The following ZNF827 variants were observed in gnomAD, a reference collection of about 807,000 sequenced individuals.
The protein encoded by ZNF827 is zinc finger protein 827.
Under a neutral mutation model 102.4 loss-of-function variants are expected in ZNF827, and 13 were observed. The ratio of observed to expected loss-of-function variants is 0.13; its 90% CI spans 0.08 to 0.20. ZNF827 has a LOEUF of 0.20. Ranked by LOEUF, ZNF827 falls within the 10% of genes least tolerant of loss-of-function variation. The pLI is 1.00. For synonymous variants in ZNF827, 523 were observed against 536.2 expected (o/e 0.98, Z 0.34); for missense variants, 1,103 against 1,344.4 (o/e 0.82, Z 2.81).
chr4:145,894,105 G>A (rs961179708), intron 2 of ZNF827, among the ~76,000 whole-genome samples: 2 of 152,148 alleles, frequency 1.3e-5, no homozygotes, highest in African/African-American at 4.8e-5. Flanking sequence ...TGGAATTGTG[G>A]TTATTTTTTT....
intron 8 of ZNF827, among the ~76,000 whole-genome samples, chr4:145,781,122 G>A (rs1737923059): frequency 6.7e-6 from 1 of 149,600 alleles, no homozygotes; most frequent in Non-Finnish European, 1.5e-5. Context: ...CGTGAACCCG[G>A]GAGGTGGAGG....
chr4:145,922,942 G>A (rs1381698141), intron 1 of ZNF827, among the ~76,000 whole-genome samples: 1 of 152,024 alleles, frequency 6.6e-6, no homozygotes, highest in African/African-American at 2.4e-5. Context: ...TTCCCAATAC[G>A]GTCCTTAAAC....
At chr4:145,881,131 A>G (rs761552128) in intron 4 of ZNF827, among the ~76,000 whole-genome samples, 6 of 152,258 alleles carry the variant, frequency 3.9e-5, no homozygotes, top group Non-Finnish European at 5.9e-5. Context: ...AACAAAGGCC[A>G]ATGGAAAACT....
intron 1 of ZNF827, among the ~76,000 whole-genome samples, chr4:145,907,678 A>G (rs1039825153): frequency 6.6e-6 from 1 of 152,214 alleles, no homozygotes; most frequent in Non-Finnish European, 1.5e-5. Context: ...TAAGTGGCCA[A>G]TGTAAATAAC....
chr4:145,825,707 G>A (rs973786392), intron 7 of ZNF827, among the ~76,000 whole-genome samples: 7 of 152,150 alleles, frequency 4.6e-5, no homozygotes, highest in African/African-American at 1.7e-4. Context: ...CTAGCACTGC[G>A]TCTTCACATG....
intron 7 of ZNF827, among the ~76,000 whole-genome samples, chr4:145,836,252 C>G (rs1224355140): frequency 1.9e-5 from 2 of 105,046 alleles, no homozygotes; most frequent in African/African-American, 7.4e-5. Flanking sequence ...ACCCAAGCAC[C>G]TTCTACAAAA....
chr4:145,819,159 A>G (rs1742893801), intron 8 of ZNF827, among the ~76,000 whole-genome samples: 1 of 152,056 alleles, frequency 6.6e-6, no homozygotes, highest in Admixed American at 6.6e-5. Context: ...GGGATTGATG[A>G]ATATAATTGC....
chr4:145,854,992 G>A (rs751376787), intron 5 of ZNF827, among the ~76,000 whole-genome samples: 18 of 152,190 alleles, frequency 1.2e-4, no homozygotes, highest in Non-Finnish European at 2.4e-4. Context: ...GGCATGGCGC[G>A]TTGAGCAAGC....
chr4:145,820,494 A>G (rs1048181037), intron 8 of ZNF827, among the ~76,000 whole-genome samples: 7 of 152,216 alleles, frequency 4.6e-5, no homozygotes, highest in African/African-American at 1.7e-4. Flanking sequence ...GAAGATTTCT[A>G]AAGATTCTGA....
intron 8 of ZNF827, among the ~76,000 whole-genome samples, chr4:145,799,541 G>A (rs1373320814): frequency 1.3e-5 from 2 of 152,080 alleles, no homozygotes; most frequent in East Asian, 3.8e-4. Flanking sequence ...ACCAGTCTTT[G>A]GTTTAACCTA....
At chr4:145,910,915 T>C (rs1418520110) in intron 1 of ZNF827, among the ~76,000 whole-genome samples, 3 of 152,150 alleles carry the variant, frequency 2.0e-5, no homozygotes, top group Admixed American at 1.3e-4. Flanking sequence ...GAATACAAGC[T>C]CCGAGGGAGG....
chr4:145,856,985 G>GCGCACACA (rs140194085), intron 5 of ZNF827, among the ~76,000 whole-genome samples: 62 of 140,158 alleles, frequency 4.4e-4, no homozygotes, highest in African/African-American at 1.6e-3. Flanking sequence ...GCACGCGCAC[G>GCGCACACA]CACACACACA....
intron 8 of ZNF827, among the ~76,000 whole-genome samples, chr4:145,781,698 C>T (rs939238750): frequency 3.9e-5 from 6 of 152,180 alleles, no homozygotes; most frequent in African/African-American, 9.7e-5. Flanking sequence ...AAACAGCTGT[C>T]CTTGAGTCCA....
At chr4:145,806,290 C>G (rs762491575) in intron 8 of ZNF827, among the ~76,000 whole-genome samples, 2 of 151,208 alleles carry the variant, frequency 1.3e-5, no homozygotes, top group Non-Finnish European at 2.9e-5. Context: ...TAACTGGGAT[C>G]ACAGGCACAC....
chr4:145,771,040 TTA>T (rs1736205285), intron 11 of ZNF827: 1 of 152,222 alleles, frequency 6.6e-6, no homozygotes, highest in Non-Finnish European at 1.5e-5. Context: ...TGGTAAGTGG[TTA>T]GCTTTTATTT....
At chr4:145,920,320 C>T (rs560992985) in intron 1 of ZNF827, among the ~76,000 whole-genome samples, 8 of 152,320 alleles carry the variant, frequency 5.3e-5, no homozygotes, top group South Asian at 2.1e-4. Flanking sequence ...GAAAATCTGA[C>T]GGTCTTGGCA....
chr4:145,833,799 CCTT>C (rs1187147826), intron 7 of ZNF827, among the ~76,000 whole-genome samples: 1 of 151,796 alleles, frequency 6.6e-6, no homozygotes, highest in Non-Finnish European at 1.5e-5. Context: ...TGCCCCAATC[CCTT>C]ATTTCCATGC....
intron 1 of ZNF827, 90 bp downstream of exon 1, chr4:145,938,275 G>T: frequency 6.7e-7 from 1 of 1,502,648 alleles, no homozygotes; most frequent in Non-Finnish European, 9.3e-7. Context: ...CTAAACTAAT[G>T]CAGAAAACAA....
At chr4:145,877,251 G>A (rs889382136) in intron 4 of ZNF827, among the ~76,000 whole-genome samples, 4 of 152,220 alleles carry the variant, frequency 2.6e-5, no homozygotes, top group African/African-American at 7.2e-5. Flanking sequence ...ATCACAAGCC[G>A]GTGCGGTTCT....
Sources: allele counts gnomAD v4.1 joint callset (sites outside exome capture counted in the v4.1 genomes callset), GRCh38; gene constraint gnomAD v4.1.1; transcripts MANE v1.5; gene names NCBI Gene and HGNC (gene_info 2026-07-23, HGNC 2026-07-21).